The following SCAF11 variants were observed in gnomAD, a reference collection of about 807,000 sequenced individuals.
SCAF11 encodes the protein SR-related CTD associated factor 11, also known as protein SCAF11.
Under a neutral mutation model 140.5 loss-of-function variants are expected in SCAF11, and 47 were observed. That is an observed-to-expected ratio of 0.33 (90% CI 0.26 to 0.43). The LOEUF (loss-of-function observed/expected upper bound fraction) is 0.43. SCAF11 is among the 20% of genes least tolerant of loss of function. The pLI, the probability that SCAF11 is intolerant of heterozygous loss-of-function variation, is 1.00. For synonymous variants in SCAF11, 557 were observed against 579.4 expected (o/e 0.96, Z 0.55); for missense variants, 1,645 against 1,705.1 (o/e 0.96, Z 0.62).
upstream of SCAF11, among the ~76,000 whole-genome samples, chr12:45,990,945 CCTT>C (rs1946593241): frequency 6.6e-6 from 1 of 152,240 alleles, no homozygotes; most frequent in Non-Finnish European, 1.5e-5. Flanking sequence ...CCTCTGCCCT[CCTT>C]TGGCAGTTTT....
intron 4 of SCAF11, among the ~76,000 whole-genome samples, chr12:45,949,901 TAGAA>T (rs1945511061): frequency 6.6e-6 from 1 of 152,068 alleles, no homozygotes; most frequent in South Asian, 2.1e-4. Context: ...TGAGAAGACT[TAGAA>T]AGAAAGTATA....
At chr12:45,924,670 G>C in intron 12 of SCAF11, 58 bp downstream of exon 12, 6 of 1,391,202 alleles carry the variant, frequency 4.3e-6, no homozygotes, top group Non-Finnish European at 6.0e-6. Context: ...CATCTGTCAT[G>C]AACAGCTAAA....
chr12:45,923,095 C>A lies in SCAF11; in HGVS notation c.3966G>T (p.Pro1322=). 6.2e-7 allele frequency: 1 copy of A among 1,614,068 alleles called. No homozygotes were observed. The highest frequency in any genetic ancestry group is 8.5e-7 in the Non-Finnish European group (1 of 1,180,004). The part of the protein sequence containing the change: ...NNMSTPVLPA[P]TAAPGNTGMV... Reference sequence around the variant, plus strand: ...TTCCCGTATTTCCTGGGGCTGCTGTCGGAGCAGGCAAAACTGGTGTACTCA... The same window carrying A: ...TTCCCGTATTTCCTGGGGCTGCTGTAGGAGCAGGCAAAACTGGTGTACTCA... The change falls in exon 13 of 15, where the codon CCG becomes CCT. Residue 1322 remains proline (P), a synonymous_variant. Transcript: ENST00000369367.
intron 6 of SCAF11, among the ~76,000 whole-genome samples, chr12:45,941,870 G>A (rs1305250519): frequency 6.6e-6 from 1 of 152,142 alleles, no homozygotes; most frequent in Non-Finnish European, 1.5e-5. Flanking sequence ...GTTACACTGA[G>A]TGTGCTTGCC....
chr12:45,951,753 C>A, intron 3 of SCAF11, 26 bp from the exon 4 acceptor site: 1 of 1,431,918 alleles, frequency 7.0e-7, no homozygotes, highest in South Asian at 1.3e-5. Context: ...CAAATTATAT[C>A]TTTACAAATG....
At chr12:45,966,066 T>C (rs1380331337) in intron 1 of SCAF11, among the ~76,000 whole-genome samples, 2 of 152,188 alleles carry the variant, frequency 1.3e-5, no homozygotes, top group South Asian at 2.1e-4. Flanking sequence ...CAACATTAGT[T>C]TTAGTTCTGG....
intron 4 of SCAF11, 125 bp downstream of exon 4, chr12:45,951,525 G>T: frequency 1.7e-6 from 1 of 579,980 alleles, no homozygotes; most frequent in Non-Finnish European, 3.1e-6. Flanking sequence ...TCATGCTAAG[G>T]AGGATTAAAA....
chr12:45,981,739 G>C (rs771904348), intron 1 of SCAF11, among the ~76,000 whole-genome samples: 7 of 152,106 alleles, frequency 4.6e-5, no homozygotes, highest in Non-Finnish European at 7.4e-5. Context: ...AGGTTGCAGG[G>C]AACTATGGCC....
At chr12:45,969,790 G>A (rs569308141) in intron 1 of SCAF11, among the ~76,000 whole-genome samples, 6 of 152,298 alleles carry the variant, frequency 3.9e-5, no homozygotes, top group Admixed American at 1.3e-4. Context: ...AGGCTGGAGC[G>A]TGGTGGCACA....
At chr12:45,964,217 T>A in intron 1 of SCAF11, 29 bp from the exon 2 acceptor site, 1 of 1,011,438 alleles carries the variant, frequency 9.9e-7, no homozygotes, top group Non-Finnish European at 1.5e-6. Flanking sequence ...TAGAGAATTT[T>A]ATGTTTGCCT....
chr12:45,940,669 A>T (rs1945274444), intron 6 of SCAF11, among the ~76,000 whole-genome samples: 1 of 152,240 alleles, frequency 6.6e-6, no homozygotes, highest in African/African-American at 2.4e-5. Flanking sequence ...CTAACAGATT[A>T]CTTGGCTTCC....
intron 1 of SCAF11, among the ~76,000 whole-genome samples, chr12:45,965,775 A>G (rs1406998522): frequency 6.6e-6 from 1 of 152,224 alleles, no homozygotes; most frequent in Admixed American, 6.5e-5. Context: ...TTCTAAAATA[A>G]TTTACACATG....
At chr12:45,952,923 A>G (rs1271731769) in intron 3 of SCAF11, among the ~76,000 whole-genome samples, 1 of 152,242 alleles carries the variant, frequency 6.6e-6, no homozygotes, top group African/African-American at 2.4e-5. Flanking sequence ...CCACGTATCA[A>G]GACATGCTTA....
Position 45,933,250 on chromosome 12 carries a change from G to A in SCAF11, c.633-18C>T. 1 of 1,547,276 alleles carries A rather than the reference G, an allele frequency of 6.5e-7. No homozygotes were observed. The highest frequency in any genetic ancestry group is 8.9e-7 in the Non-Finnish European group (1 of 1,128,290). On this transcript the variant is annotated intron_variant, in intron 8 of 14. Transcript: ENST00000369367. ...ATTCTGTACTAAAAGATAAATTTTA[G>A]ACCTTCATCAGAATCTCACAATTTT...
upstream of SCAF11, chr12:45,992,007 C>G: frequency 7.8e-7 from 1 of 1,288,972 alleles, no homozygotes; most frequent in Non-Finnish European, 1.0e-6. Context: ...TTCCTCCCCA[C>G]TTTGCCGCGG....
In SCAF11 at chr12:45,945,255, T is replaced by G. The variant is rs753024152; in HGVS notation, c.457A>C (p.Ile153Leu). The G allele has an allele frequency of 2.0e-5, 31 of 1,565,324 alleles. No homozygotes were observed. In the South Asian group the frequency reaches 3.6e-4, roughly 18 times the overall value. ...LSAKVCDLKW[I>L]HRNSLYSETG... ...CAAGCAAAAAGTAACTTACTATGTATCCACTTCAAGTCACAAACTTTTGCA... is the reference window on the plus strand; with the variant it reads ...CAAGCAAAAAGTAACTTACTATGTAGCCACTTCAAGTCACAAACTTTTGCA... Residue 153 changes from isoleucine to leucine, a missense_variant, in exon 6 of 15, where the codon ATA becomes CTA. Physicochemically the swap from Ile to Leu is conservative, Grantham distance 5 (BLOSUM62 2). This residue lies in a region of SCAF11 where 1,582 missense variants were observed against 1,609.2 expected (regional missense o/e 0.98). Transcript: ENST00000369367.
At chr12:45,946,360 A>C (rs1388555344) in intron 5 of SCAF11, among the ~76,000 whole-genome samples, 1 of 152,250 alleles carries the variant, frequency 6.6e-6, no homozygotes, top group Non-Finnish European at 1.5e-5. Context: ...GGACTACTAA[A>C]AACATCCAAG....
chr12:45,962,624 T>C (rs1448794015), intron 2 of SCAF11, among the ~76,000 whole-genome samples: 10 of 152,070 alleles, frequency 6.6e-5, no homozygotes, highest in East Asian at 1.9e-4. Context: ...AAATAAAGGA[T>C]TGGTCAGCTG....
rs1056759087 is a variant in SCAF11, at chr12:45,990,508, G to A, written c.-177C>T. On this transcript the variant is annotated 5_prime_UTR_variant, in exon 1 of 15. Coordinates refer to ENST00000369367, the MANE Select transcript of SCAF11 (RefSeq NM_004719.3). ...ACACTGACTCCGCTGGCTCGGTCCGGAGGCGGCGGCGAAGCAGGGAGCGAC... is the reference window on the plus strand; with the variant it reads ...ACACTGACTCCGCTGGCTCGGTCCGAAGGCGGCGGCGAAGCAGGGAGCGAC... 1.5e-5 allele frequency: 18 copies of A among 1,231,960 alleles called. No homozygotes were observed. The highest frequency in any genetic ancestry group is 1.8e-5 in the Non-Finnish European group (18 of 988,286). The allele number at this position is 1,231,960 out of a possible 1,614,324, so 76.3% of individuals were successfully genotyped here.
Sources: allele counts gnomAD v4.1 joint callset (sites outside exome capture counted in the v4.1 genomes callset), GRCh38; gene constraint gnomAD v4.1.1; regional missense constraint gnomAD v4.1.1; transcripts MANE v1.5; gene names NCBI Gene and HGNC (gene_info 2026-07-23, HGNC 2026-07-21).